The following CSMD1 variants were observed in gnomAD, a reference collection of about 807,000 sequenced individuals.
The protein encoded by CSMD1 is CUB and Sushi multiple domains 1.
Under a neutral mutation model 417.5 loss-of-function variants are expected in CSMD1, and 213 were observed. The ratio of observed to expected loss-of-function variants is 0.51; its 90% confidence interval spans 0.46 to 0.57. The LOEUF is 0.57. CSMD1 is among the 20% of genes least tolerant of loss of function. The pLI, the probability that CSMD1 is intolerant of heterozygous loss-of-function variation, is 0.00. For missense variants in CSMD1, 6,923 were observed against 4,529.7 expected (o/e 1.53, Z -15.17); for synonymous variants, 2,862 against 1,736.8 (o/e 1.65, Z -16.11).
chr8:3,097,956 T>C (rs1409380536), intron 46 of CSMD1, among the ~76,000 whole-genome samples: 1 of 152,234 alleles, frequency 6.6e-6, no homozygotes, highest in Non-Finnish European at 1.5e-5. Flanking sequence ...GTATCTTTTC[T>C]CCTCTTGCTT....
rs761849081 is a variant in CSMD1, at chr8:3,018,634, G to T, written c.7872C>A (p.Ser2624Arg). 2.5e-6 allele frequency: 4 copies of T among 1,611,402 alleles called. No homozygotes were observed. Among genetic ancestry groups the T allele is most frequent in the Non-Finnish European group, 3.4e-6 (4 of 1,178,620 alleles). ...TGTTGCCATTTGGGGGAAAGGAAAG[G>T]CTTCCACACGAGATAACTAGAAGGA... ...RPSCRVISCG[S>R]LSFPPNGNKI... The change falls in exon 52 of 70, where the codon AGC becomes AGA. Residue 2624 changes from serine (S) to arginine (R), a missense_variant. Ser to Arg is a moderately radical substitution (Grantham distance 110). Coordinates refer to ENST00000635120, the MANE Select transcript of CSMD1 (RefSeq NM_033225.6).
At chr8:4,616,393 G>A (rs575939247) in intron 2 of CSMD1, among the ~76,000 whole-genome samples, 1 of 152,298 alleles carries the variant, frequency 6.6e-6, no homozygotes, top group Non-Finnish European at 1.5e-5. Context: ...CAGGCAAATC[G>A]TGGCCTCCAA....
At position 3,765,514 on chromosome 8, in the gene CSMD1, A is replaced by T. The variant is rs186442645; in HGVS notation, c.819-11472T>A. Among the ~76,000 whole-genome samples the T allele has an allele frequency of 7.9e-5, 12 of 152,336 alleles. No homozygotes were observed. In the East Asian group the frequency reaches 2.3e-3, roughly 29 times the overall value. Reference sequence around the variant, plus strand: ...GAGCCCACTGAGGGCATTGGTGCTAACTCAGACATCTTCCTCTTCTTTGTA... The same window carrying T: ...GAGCCCACTGAGGGCATTGGTGCTATCTCAGACATCTTCCTCTTCTTTGTA... On this transcript the variant is annotated intron_variant, in intron 5 of 69. Coordinates refer to ENST00000635120, the MANE Select transcript of CSMD1 (RefSeq NM_033225.6).
At chr8:4,907,263 C>T (rs1040968802) in intron 1 of CSMD1, among the ~76,000 whole-genome samples, 4 of 152,182 alleles carry the variant, frequency 2.6e-5, no homozygotes, top group African/African-American at 7.2e-5. Flanking sequence ...AAATTATTCT[C>T]CATTTTGTGA....
intron 5 of CSMD1, among the ~76,000 whole-genome samples, chr8:3,857,181 T>C (rs949215573): frequency 2.0e-5 from 3 of 152,094 alleles, no homozygotes; most frequent in African/African-American, 7.2e-5. Context: ...ATGGGCTTCA[T>C]GAAAAAAGTG....
chr8:4,824,999 G>A (rs942434627), intron 1 of CSMD1, among the ~76,000 whole-genome samples: 1 of 152,092 alleles, frequency 6.6e-6, no homozygotes, highest in African/African-American at 2.4e-5. Context: ...GAACCTGAAT[G>A]CACTGCCATG....
intron 5 of CSMD1, among the ~76,000 whole-genome samples, chr8:3,958,750 C>T (rs958568223): frequency 6.6e-6 from 1 of 152,132 alleles, no homozygotes; most frequent in African/African-American, 2.4e-5. Flanking sequence ...GGTGAGGTCA[C>T]ACAAAGCACC....
intron 2 of CSMD1, among the ~76,000 whole-genome samples, chr8:4,534,250 A>G (rs908334880): frequency 6.6e-6 from 1 of 152,160 alleles, no homozygotes; most frequent in Non-Finnish European, 1.5e-5. Flanking sequence ...GCCTGGCCCC[A>G]AGGATGCTGA....
chr8:4,286,912 G>A (rs62478592), intron 3 of CSMD1, among the ~76,000 whole-genome samples: 3 of 152,104 alleles, frequency 2.0e-5, no homozygotes, highest in Non-Finnish European at 4.4e-5. Context: ...TGATTCAAAT[G>A]AATCAGTTTT....
chr8:3,528,447 T>C (rs1315744455), intron 10 of CSMD1, among the ~76,000 whole-genome samples: 3 of 152,216 alleles, frequency 2.0e-5, no homozygotes, highest in Non-Finnish European at 1.5e-5. Context: ...CCATGCCTGC[T>C]TCTATGCCTT....
At chr8:4,746,683 G>T (rs566018476) in intron 1 of CSMD1, among the ~76,000 whole-genome samples, 5 of 152,240 alleles carry the variant, frequency 3.3e-5, no homozygotes, top group South Asian at 2.1e-4. Flanking sequence ...TGCATCTGCT[G>T]CTGAGCACAT....
intron 3 of CSMD1, among the ~76,000 whole-genome samples, chr8:4,054,994 T>A (rs112872496): frequency 3.3e-5 from 5 of 152,202 alleles, no homozygotes; most frequent in African/African-American, 1.2e-4. Context: ...ATACAAAGAA[T>A]GTCATATAAA....
intron 3 of CSMD1, among the ~76,000 whole-genome samples, chr8:4,289,637 T>G (rs916299861): frequency 7.9e-5 from 12 of 152,060 alleles, no homozygotes; most frequent in African/African-American, 2.9e-4. Flanking sequence ...CTGGACGGAG[T>G]AGAGCAGCTG....
chr8:4,886,088 T>A (rs373478135), intron 1 of CSMD1, among the ~76,000 whole-genome samples: 3 of 152,108 alleles, frequency 2.0e-5, no homozygotes, highest in Non-Finnish European at 4.4e-5. Flanking sequence ...TCTCCCAGGT[T>A]CAGACGATCC....
At chr8:3,713,369 A>T (rs1446301245) in intron 6 of CSMD1, among the ~76,000 whole-genome samples, 1 of 152,146 alleles carries the variant, frequency 6.6e-6, no homozygotes, top group Non-Finnish European at 1.5e-5. Flanking sequence ...TAAAATGGCA[A>T]TAATGTAAGA....
intron 5 of CSMD1, among the ~76,000 whole-genome samples, chr8:3,921,953 G>C (rs1211077216): frequency 6.6e-6 from 1 of 152,066 alleles, no homozygotes; most frequent in Non-Finnish European, 1.5e-5. Flanking sequence ...TTGATGTCTG[G>C]ATGACATGTC....
At chr8:3,167,128 T>C (rs184693035) in intron 37 of CSMD1, among the ~76,000 whole-genome samples, 1 of 151,990 alleles carries the variant, frequency 6.6e-6, no homozygotes, top group African/African-American at 2.4e-5. Context: ...CTACTAAGAA[T>C]ACAAAAATTA....
intron 3 of CSMD1, among the ~76,000 whole-genome samples, chr8:4,206,439 G>C (rs746113826): frequency 1.6e-4 from 25 of 152,164 alleles, no homozygotes; most frequent in Middle Eastern, 3.4e-3. Context: ...TGCGGTGTTT[G>C]GTTTTCTGTC....
intron 3 of CSMD1, among the ~76,000 whole-genome samples, chr8:4,094,506 T>A (rs1412248624): frequency 2.0e-5 from 3 of 152,042 alleles, no homozygotes; most frequent in Non-Finnish European, 4.4e-5. Context: ...CCACGCAGGG[T>A]GGAGGAATCT....
Sources: allele counts gnomAD v4.1 joint callset (sites outside exome capture counted in the v4.1 genomes callset), GRCh38; gene constraint gnomAD v4.1.1; transcripts MANE v1.5; gene names NCBI Gene and HGNC (gene_info 2026-07-23, HGNC 2026-07-21).